RBFOX1: variants seen among roughly 807,000 people sequenced by gnomAD.
The protein encoded by RBFOX1 is RNA binding protein fox-1 homolog 1.
In RBFOX1, 8 loss-of-function variants were observed where a neutral mutation model predicts 57.7. That is an observed-to-expected ratio of 0.14 (90% CI 0.08 to 0.25). The LOEUF (loss-of-function observed/expected upper bound fraction) is 0.25, where lower values mean the gene tolerates loss of function less well. Ranked by LOEUF, RBFOX1 falls within the 10% of genes least tolerant of loss-of-function variation. RBFOX1 has a pLI of 1.00. For missense variants in RBFOX1, 611 were observed against 548.5 expected (o/e 1.11, Z -1.14); for synonymous variants, 326 against 222.4 (o/e 1.47, Z -4.15).
At chr16:7,148,561 C>A (rs1031124776) in intron 4 of RBFOX1, among the ~76,000 whole-genome samples, 1 of 152,198 alleles carries the variant, frequency 6.6e-6, no homozygotes, top group Non-Finnish European at 1.5e-5. Context: ...GACAACATAG[C>A]TGTTTGATCG....
chr16:6,817,689 C>A, intron 3 of RBFOX1, among the ~76,000 whole-genome samples: 1 of 151,680 alleles, frequency 6.6e-6, no homozygotes, highest in Non-Finnish European at 1.5e-5. Flanking sequence ...GGCGACAGAG[C>A]CAAACTCTGT....
chr16:6,979,460 C>T (rs182296335), intron 3 of RBFOX1, among the ~76,000 whole-genome samples: 1 of 152,284 alleles, frequency 6.6e-6, no homozygotes, highest in Admixed American at 6.5e-5. Context: ...TGATTTACAG[C>T]ATCTGTTCTT....
intron 3 of RBFOX1, among the ~76,000 whole-genome samples, chr16:7,026,721 T>C (rs2041067292): frequency 6.6e-6 from 1 of 152,174 alleles, no homozygotes; most frequent in Non-Finnish European, 1.5e-5. Context: ...GAACCCTCTT[T>C]CTTCCATACC....
chr16:7,587,327 TGTTTA>T (rs2094182863), intron 7 of RBFOX1, 27 bp downstream of exon 7: 1 of 1,506,332 alleles, frequency 6.6e-7, no homozygotes, highest in Admixed American at 2.2e-5. Context: ...ACTTTAGAAT[TGTTTA>T]GTTTATTTTT....
At chr16:7,163,562 C>T (rs531535566) in intron 4 of RBFOX1, among the ~76,000 whole-genome samples, 1 of 152,156 alleles carries the variant, frequency 6.6e-6, no homozygotes, top group Non-Finnish European at 1.5e-5. Flanking sequence ...CACCTAGAAT[C>T]TCAATAAGCT....
chr16:5,779,820 G>C (rs1008423035), intron 3 of RBFOX1, among the ~76,000 whole-genome samples: 1 of 152,120 alleles, frequency 6.6e-6, no homozygotes, highest in African/African-American at 2.4e-5. Context: ...TCAAACCCTA[G>C]CTCTCCGTTT....
At chr16:6,758,751 C>G (rs140908011) in intron 3 of RBFOX1, among the ~76,000 whole-genome samples, 3 of 152,272 alleles carry the variant, frequency 2.0e-5, no homozygotes, top group Middle Eastern at 3.4e-3. Context: ...AGGAACCTGA[C>G]TACAGGTCTT....
intron 4 of RBFOX1, among the ~76,000 whole-genome samples, chr16:7,211,798 G>C (rs768506174): frequency 6.6e-6 from 1 of 152,186 alleles, no homozygotes; most frequent in Non-Finnish European, 1.5e-5. Context: ...GTTGCTATGA[G>C]CTTTCACATC....
At chr16:6,805,732 C>T (rs149361120) in intron 3 of RBFOX1, among the ~76,000 whole-genome samples, 4 of 152,158 alleles carry the variant, frequency 2.6e-5, no homozygotes, top group Non-Finnish European at 4.4e-5. Context: ...AATGTACCCT[C>T]CTTTCTTCAA....
chr16:5,452,971 T>C (rs761112105), intron 1 of RBFOX1, among the ~76,000 whole-genome samples: 1 of 152,176 alleles, frequency 6.6e-6, no homozygotes, highest in African/African-American at 2.4e-5. Flanking sequence ...CAGCATGTCT[T>C]CAAGGCCCTT....
intron 4 of RBFOX1, among the ~76,000 whole-genome samples, chr16:7,328,235 A>T (rs1015014768): frequency 6.6e-6 from 1 of 152,070 alleles, no homozygotes; most frequent in African/African-American, 2.4e-5. Flanking sequence ...TAATCCCAGC[A>T]CTTTGGGAGG....
intron 1 of RBFOX1, among the ~76,000 whole-genome samples, chr16:6,282,862 C>T (rs75498581): frequency 0.018 from 2,784 of 152,252 alleles, 88 homozygotes; most frequent in African/African-American, 0.063. Context: ...TTGTTATTTG[C>T]CAACTACTTC....
intron 2 of RBFOX1, among the ~76,000 whole-genome samples, chr16:6,412,381 A>G (rs1469893311): frequency 6.6e-6 from 1 of 152,136 alleles, no homozygotes. Context: ...TTCCGTTTCT[A>G]CCTTTTAAAG....
At chr16:7,708,723 AGTT>A in intron 14 of RBFOX1, among the ~76,000 whole-genome samples, 1 of 152,306 alleles carries the variant, frequency 6.6e-6, no homozygotes, top group South Asian at 2.1e-4. Context: ...TAATACTTGA[AGTT>A]GTTTCTTTCT....
chr16:5,773,367 C>T (rs978483791), intron 3 of RBFOX1, among the ~76,000 whole-genome samples: 2 of 152,186 alleles, frequency 1.3e-5, no homozygotes, highest in Non-Finnish European at 2.9e-5. Flanking sequence ...GCCATTCAAA[C>T]ACACACACAT....
At chr16:6,490,497 T>A (rs2095607853) in intron 2 of RBFOX1, among the ~76,000 whole-genome samples, 1 of 152,224 alleles carries the variant, frequency 6.6e-6, no homozygotes, top group South Asian at 2.1e-4. Context: ...CCAGCTGTCC[T>A]CAGCTTACCA....
At chr16:6,911,629 C>T (rs182267887) in intron 3 of RBFOX1, among the ~76,000 whole-genome samples, 1 of 152,108 alleles carries the variant, frequency 6.6e-6, no homozygotes, top group African/African-American at 2.4e-5. Flanking sequence ...TCTCACAGAT[C>T]CTAAGGGGTT....
intron 4 of RBFOX1, among the ~76,000 whole-genome samples, chr16:7,159,098 A>G (rs754983583): frequency 6.6e-6 from 1 of 152,004 alleles, no homozygotes; most frequent in Non-Finnish European, 1.5e-5. Flanking sequence ...AGAATATTAT[A>G]TAAATGGTAT....
At chr16:6,276,713 T>TC (rs2075840241) in intron 1 of RBFOX1, among the ~76,000 whole-genome samples, 1 of 151,808 alleles carries the variant, frequency 6.6e-6, no homozygotes, top group African/African-American at 2.4e-5. Context: ...ACTGGTCGCA[T>TC]TAAGTTCCCA....
Sources: allele counts gnomAD v4.1 joint callset (sites outside exome capture counted in the v4.1 genomes callset), GRCh38; gene constraint gnomAD v4.1.1; transcripts MANE v1.5; gene names NCBI Gene and HGNC (gene_info 2026-07-23, HGNC 2026-07-21).